Variants in VTI1A observed in about 807,000 individuals in gnomAD.
VTI1A encodes the protein vesicle transport through interaction with t-SNAREs 1A.
In VTI1A, 22 loss-of-function variants were observed where a neutral mutation model predicts 34.9. The ratio of observed to expected loss-of-function variants is 0.63; its 90% CI spans 0.45 to 0.90. VTI1A has a LOEUF of 0.90. Among genes scored for constraint, VTI1A ranks in the 40% least tolerant of loss-of-function variants. The pLI is 0.00. For synonymous variants in VTI1A, 87 were observed against 97.3 expected, an observed-to-expected ratio of 0.89 and a Z score of 0.62; for missense variants, 268 against 275.6, an observed-to-expected ratio of 0.97 and a Z score of 0.20.
At chr10:112,620,831 A>C (rs772463763) in intron 5 of VTI1A, among the ~76,000 whole-genome samples, 6 of 151,956 alleles carry the variant, frequency 3.9e-5, no homozygotes, top group Non-Finnish European at 7.4e-5. Flanking sequence ...GAAATTTTGA[A>C]CCATGGCCAA....
intron 3 of VTI1A, among the ~76,000 whole-genome samples, chr10:112,520,647 G>GTGTGTA (rs1330449301): frequency 2.9e-4 from 37 of 128,988 alleles, no homozygotes; most frequent in Non-Finnish European, 4.1e-4. Flanking sequence ...GTGTGTGTGT[G>GTGTGTA]TATATATATA....
At chr10:112,757,919 T>G (rs1447954504) in intron 7 of VTI1A, among the ~76,000 whole-genome samples, 1 of 152,238 alleles carries the variant, frequency 6.6e-6, no homozygotes, top group Non-Finnish European at 1.5e-5. Context: ...TGTGAACATT[T>G]TATATGTTAT....
chr10:112,677,288 A>G (rs1188944355), intron 7 of VTI1A, among the ~76,000 whole-genome samples: 2 of 152,176 alleles, frequency 1.3e-5, no homozygotes, highest in Non-Finnish European at 2.9e-5. Context: ...TCTGGGTCTC[A>G]GGTGAATTAC....
chr10:112,851,523 G>C, the VTI1A span, among the ~76,000 whole-genome samples: 4 of 152,194 alleles, frequency 2.6e-5, no homozygotes, highest in Non-Finnish European at 5.9e-5. Flanking sequence ...GATGAAGTAG[G>C]CTGCTCTGTT....
At chr10:112,476,622 T>A (rs1331089436) in intron 3 of VTI1A, among the ~76,000 whole-genome samples, 1 of 152,178 alleles carries the variant, frequency 6.6e-6, no homozygotes, top group Non-Finnish European at 1.5e-5. Context: ...TAAGGCTTAC[T>A]TACGTTCTAG....
intron 7 of VTI1A, among the ~76,000 whole-genome samples, chr10:112,716,093 G>A (rs1473816710): frequency 6.6e-6 from 1 of 152,198 alleles, no homozygotes; most frequent in Non-Finnish European, 1.5e-5. Flanking sequence ...GTCCAGCACA[G>A]AAGGGATGGA....
chr10:112,598,796 C>T (rs1325172), intron 5 of VTI1A, among the ~76,000 whole-genome samples: 125,504 of 152,192 alleles, frequency 0.82, 52,491 homozygotes, highest in African/African-American at 0.94. Flanking sequence ...TGATTTTCTA[C>T]GTGTGGTAGA....
chr10:112,768,632 A>T (rs754213735), intron 7 of VTI1A, among the ~76,000 whole-genome samples: 1 of 152,226 alleles, frequency 6.6e-6, no homozygotes, highest in South Asian at 2.1e-4. Context: ...GAAACCAAAG[A>T]GGCATGACAA....
At chr10:112,597,973 A>G (rs1189464829) in intron 5 of VTI1A, among the ~76,000 whole-genome samples, 1 of 151,978 alleles carries the variant, frequency 6.6e-6, no homozygotes, top group Admixed American at 6.5e-5. Flanking sequence ...CTGGGATTAC[A>G]GGCATGAGCC....
intron 5 of VTI1A, among the ~76,000 whole-genome samples, chr10:112,585,986 T>C (rs2134415046): frequency 6.6e-6 from 1 of 152,242 alleles, no homozygotes; most frequent in South Asian, 2.1e-4. Flanking sequence ...ATACAGTGTA[T>C]AAATGGTAAT....
chr10:112,667,731 A>G (rs1367190943), intron 5 of VTI1A, among the ~76,000 whole-genome samples: 8 of 151,068 alleles, frequency 5.3e-5, no homozygotes, highest in Admixed American at 2.6e-4. Context: ...ACTACCAATA[A>G]GCTACAGTAG....
At chr10:112,744,743 C>G (rs1850831190) in intron 7 of VTI1A, among the ~76,000 whole-genome samples, 1 of 152,188 alleles carries the variant, frequency 6.6e-6, no homozygotes, top group Admixed American at 6.5e-5. Flanking sequence ...AGGCGCCTGG[C>G]CTACTATTGC....
At chr10:112,755,754 GTA>G (rs1177994818) in intron 7 of VTI1A, among the ~76,000 whole-genome samples, 1 of 152,154 alleles carries the variant, frequency 6.6e-6, no homozygotes, top group Non-Finnish European at 1.5e-5. Context: ...ATACTTGTGT[GTA>G]TATATATAAA....
chr10:112,610,656 C>A (rs1035115961), intron 5 of VTI1A, among the ~76,000 whole-genome samples: 5 of 152,180 alleles, frequency 3.3e-5, no homozygotes, highest in Non-Finnish European at 5.9e-5. Flanking sequence ...GTGGCTCATG[C>A]CTGTAATCCC....
chr10:112,549,562 A>G (rs948673299), intron 5 of VTI1A, among the ~76,000 whole-genome samples: 4 of 152,220 alleles, frequency 2.6e-5, no homozygotes, highest in South Asian at 2.1e-4. Flanking sequence ...TTGGGTTGAT[A>G]TTAACTATCT....
At chr10:112,568,174 G>C (rs1386998521) in intron 5 of VTI1A, among the ~76,000 whole-genome samples, 1 of 151,650 alleles carries the variant, frequency 6.6e-6, no homozygotes, top group Non-Finnish European at 1.5e-5. Flanking sequence ...AAATAAGTTT[G>C]TGGTCTCAGA....
In VTI1A at chr10:112,447,309, C is replaced by G; in HGVS notation, c.-65C>G. The G allele has an allele frequency of 6.5e-7, 1 of 1,541,904 alleles. No homozygotes were observed. ...GGGGTTCCTAAGCCGCGGGGCCCCT[C>G]GCTGCCCCTCGAGGCCCTTTCCCTG... On this transcript the variant is annotated 5_prime_UTR_variant, in exon 1 of 8. Coordinates refer to ENST00000393077, the MANE Select transcript of VTI1A (RefSeq NM_145206.4).
chr10:112,688,673 C>T (rs574527121), intron 7 of VTI1A, among the ~76,000 whole-genome samples: 10 of 151,732 alleles, frequency 6.6e-5, no homozygotes, highest in Non-Finnish European at 1.5e-4. Context: ...AGGCACATAC[C>T]ACCACACCCA....
At chr10:112,527,393 CT>C in intron 4 of VTI1A, 1 of 356,652 alleles carries the variant, frequency 2.8e-6, no homozygotes, top group South Asian at 7.3e-5. Flanking sequence ...AAAATCTTTT[CT>C]TCTCTTTTCT....
Sources: gnomAD v4.1 joint callset for allele counts (sites outside exome capture counted in the v4.1 genomes callset) on GRCh38, gnomAD v4.1.1 for gene constraint, MANE v1.5 for transcripts, NCBI Gene and HGNC (gene_info 2026-07-23, HGNC 2026-07-21) for gene names.